Variants in SEMA6D observed in about 807,000 individuals in gnomAD.
The protein encoded by SEMA6D is semaphorin-6D.
In SEMA6D, 35 loss-of-function variants were observed where a neutral mutation model predicts 106.6. The ratio of observed to expected loss-of-function variants is 0.33; its 90% CI spans 0.25 to 0.44. The LOEUF (loss-of-function observed/expected upper bound fraction) is 0.44. SEMA6D is among the 20% of genes least tolerant of loss of function. The pLI is 1.00. For missense variants in SEMA6D, 1,185 were observed against 1,345.9 expected (o/e 0.88, Z 1.87); for synonymous variants, 499 against 487.7 (o/e 1.02, Z -0.31).
chr15:47,298,609 G>A (rs1166354775), intron 1 of SEMA6D, among the ~76,000 whole-genome samples: 1 of 152,100 alleles, frequency 6.6e-6, no homozygotes, highest in African/African-American at 2.4e-5. Context: ...TTACGTCTGT[G>A]CAATGCTCCA....
intron 1 of SEMA6D, among the ~76,000 whole-genome samples, chr15:47,292,435 A>C (rs1388075852): frequency 6.6e-6 from 1 of 152,214 alleles, no homozygotes; most frequent in Non-Finnish European, 1.5e-5. Context: ...AAAAAAATCA[A>C]ATGAGTTTTT....
rs140393312 is a variant in SEMA6D at position 47,268,579 on chromosome 15, A to T, written c.-239+84161A>T. Among the ~76,000 whole-genome samples, 104 of 152,254 alleles carry T rather than the reference A, an allele frequency of 6.8e-4. 2 individuals are homozygous for T. Among genetic ancestry groups the T allele is most frequent in the Non-Finnish European group, 1.3e-3 (87 of 68,024 alleles). On this transcript the variant is annotated intron_variant, in intron 1 of 19. Coordinates refer to the SEMA6D transcript ENST00000558014. ...GTCTGACCTCACCAGCCAAGGATGC[A>T]TCCCACCTCTGTGTATGTTGTCCTT...
At chr15:47,440,105 T>C (rs2041836979) in intron 2 of SEMA6D, among the ~76,000 whole-genome samples, 2 of 152,072 alleles carry the variant, frequency 1.3e-5, no homozygotes, top group Non-Finnish European at 2.9e-5. Context: ...AGGCTATGAA[T>C]ATGCCAAGAC....
chr15:47,708,120 G>A (rs989236729), intron 4 of SEMA6D, among the ~76,000 whole-genome samples: 24 of 151,998 alleles, frequency 1.6e-4, no homozygotes, highest in Admixed American at 1.3e-3. Context: ...TATATCCTCC[G>A]GCTTGAGACA....
intron 4 of SEMA6D, among the ~76,000 whole-genome samples, chr15:47,651,690 C>T (rs1053655296): frequency 3.3e-5 from 5 of 152,206 alleles, no homozygotes; most frequent in Admixed American, 1.3e-4. Context: ...ATCTGATACT[C>T]GATTCATGTC....
intron 1 of SEMA6D, among the ~76,000 whole-genome samples, chr15:47,204,223 A>C (rs1204973716): frequency 1.3e-5 from 2 of 152,174 alleles, no homozygotes; most frequent in Non-Finnish European, 2.9e-5. Context: ...TGAAAAATTT[A>C]ACCTCCTGTG....
chr15:47,594,551 A>G (rs1194201152), intron 3 of SEMA6D, among the ~76,000 whole-genome samples: 1 of 152,188 alleles, frequency 6.6e-6, no homozygotes, highest in Admixed American at 6.5e-5. Flanking sequence ...GGTACCCATC[A>G]CATACTGACA....
chr15:47,360,110 G>A (rs1228448561), intron 1 of SEMA6D: 7 of 151,880 alleles, frequency 4.6e-5, no homozygotes, highest in Admixed American at 4.6e-4. Flanking sequence ...GTAAAATAAT[G>A]TGACACAGTT....
rs542940477 is a variant in SEMA6D, at chr15:47,667,691, C to T, written c.-55+66795C>T. ...GACGACCATCTTCTTGCTGTCCTCA[C>T]GTGGCAGGAGGGCTTAGGGAGCTCA... On this transcript the variant is annotated intron_variant, in intron 4 of 19. Coordinates refer to the SEMA6D transcript ENST00000558014. Among the ~76,000 whole-genome samples the T allele has an allele frequency of 3.9e-5, 6 of 152,294 alleles. No individual in the cohort carries two copies. The East Asian group carries it at 9.6e-4, about 24-fold the overall frequency.
At chr15:47,191,340 G>A (rs1299034004) in intron 1 of SEMA6D, among the ~76,000 whole-genome samples, 1 of 152,044 alleles carries the variant, frequency 6.6e-6, no homozygotes, top group African/African-American at 2.4e-5. Flanking sequence ...AAGCTGAGGA[G>A]ATAAACTAAA....
chr15:47,552,705 A>G (rs1203092331), intron 3 of SEMA6D, among the ~76,000 whole-genome samples: 1 of 139,812 alleles, frequency 7.2e-6, no homozygotes, highest in African/African-American at 2.6e-5. Context: ...CATGAGAATT[A>G]TGACTGAGAC....
intron 3 of SEMA6D, among the ~76,000 whole-genome samples, chr15:47,493,926 T>G (rs971022936): frequency 2.0e-5 from 3 of 152,100 alleles, no homozygotes; most frequent in Non-Finnish European, 4.4e-5. Context: ...GCAAAACAAA[T>G]TGAATAAAAT....
chr15:47,570,341 G>A (rs1281800980), intron 3 of SEMA6D, among the ~76,000 whole-genome samples: 1 of 152,214 alleles, frequency 6.6e-6, no homozygotes, highest in African/African-American at 2.4e-5. Context: ...TTACTCACCT[G>A]GAAGAAGCTT....
intron 3 of SEMA6D, among the ~76,000 whole-genome samples, chr15:47,526,456 C>T (rs1242823322): frequency 6.6e-6 from 1 of 152,134 alleles, no homozygotes; most frequent in East Asian, 1.9e-4. Flanking sequence ...TTGAGGGGCA[C>T]TACTGGGAAC....
At chr15:47,375,275 G>A (rs1253025709) in intron 1 of SEMA6D, among the ~76,000 whole-genome samples, 1 of 152,182 alleles carries the variant, frequency 6.6e-6, no homozygotes, top group East Asian at 1.9e-4. Flanking sequence ...TGGTGTTGGT[G>A]TTGAACAACT....
intron 1 of SEMA6D, among the ~76,000 whole-genome samples, chr15:47,725,107 G>A (rs1256999815): frequency 6.6e-6 from 1 of 152,120 alleles, no homozygotes; most frequent in Admixed American, 6.5e-5. Context: ...TTTTTGGAGG[G>A]GAGAGAAGGG....
At chr15:47,765,203 T>G in intron 13 of SEMA6D, 147 bp downstream of exon 13, 1 of 1,422,456 alleles carries the variant, frequency 7.0e-7, no homozygotes, top group South Asian at 1.6e-5. Context: ...AAATAAATCT[T>G]GGGTTTGTTT....
At chr15:47,517,085 C>T (rs889772616) in intron 3 of SEMA6D, among the ~76,000 whole-genome samples, 4 of 152,026 alleles carry the variant, frequency 2.6e-5, no homozygotes, top group Non-Finnish European at 4.4e-5. Context: ...AAAGTAATAC[C>T]TCGGACAGTA....
At chr15:47,329,538 C>A (rs1483197989) in intron 1 of SEMA6D, among the ~76,000 whole-genome samples, 1 of 152,124 alleles carries the variant, frequency 6.6e-6, no homozygotes, top group Non-Finnish European at 1.5e-5. Flanking sequence ...TAGAGTAAAT[C>A]ATTGGGATTT....
Sources: allele counts gnomAD v4.1 joint callset (sites outside exome capture counted in the v4.1 genomes callset), GRCh38; gene constraint gnomAD v4.1.1; transcripts MANE v1.5; gene names NCBI Gene and HGNC (gene_info 2026-07-23, HGNC 2026-07-21).